Variants in GON4L observed in about 807,000 individuals in gnomAD.
GON4L encodes GON-4-like protein.
A neutral mutation model predicts 211.8 loss-of-function variants in GON4L; 87 were observed. The observed-to-expected ratio is 0.41, with a 90% CI of 0.35 to 0.49. The LOEUF (loss-of-function observed/expected upper bound fraction) is 0.49, where lower values mean the gene tolerates loss of function less well. Among genes scored for constraint, GON4L ranks in the 20% least tolerant of loss-of-function variants. The pLI is 0.15. For missense variants in GON4L, 2,155 were observed against 2,659.5 expected, an observed-to-expected ratio of 0.81 and a Z score of 4.17; for synonymous variants, 875 against 962.6, an observed-to-expected ratio of 0.91 and a Z score of 1.68.
intron 2 of GON4L, among the ~76,000 whole-genome samples, chr1:155,849,543 CAAAAAAAAAAAA>C (rs916595257): frequency 2.1e-5 from 1 of 47,002 alleles, no homozygotes; most frequent in Non-Finnish European, 4.3e-5. Context: ...GACTCTGTCT[CAAAAAAAAAAAA>C]AAAAAAAAGG....
intron 6 of GON4L, among the ~76,000 whole-genome samples, chr1:155,820,001 G>A (rs771534170): frequency 6.6e-6 from 1 of 151,976 alleles, no homozygotes; most frequent in Admixed American, 6.6e-5. Flanking sequence ...TGCAACCTCC[G>A]CCCCCGGGTT....
rs746863011 is a variant in GON4L at position 155,765,199 on chromosome 1, C to T, written c.4274G>A (p.Ser1425Asn). 2 of 1,614,228 alleles carry T rather than the reference C, an allele frequency of 1.2e-6. No homozygotes were observed. The highest frequency in any genetic ancestry group is 1.1e-5 in the South Asian group (1 of 91,086). Reference protein sequence around the residue: ...LSSMDPEVRLSSPPGKPEDSS... With the variant: ...LSSMDPEVRLNSPPGKPEDSS... ...ATCTTCTGGCTTCCCTGGGGGGCTA[C>T]TAAGCCTCACTTCAGGATCCATTGA... Residue 1425 changes from serine (S) to asparagine (N), a missense_variant, in exon 21 of 32, where the codon AGT becomes AAT. Ser to Asn is a conservative substitution (Grantham distance 46). Coordinates refer to ENST00000368331, the MANE Select transcript of GON4L (RefSeq NM_001282860.2).
chr1:155,749,438 G>C, downstream of GON4L: 1 of 1,580,540 alleles, frequency 6.3e-7, no homozygotes, highest in Non-Finnish European at 8.6e-7. Flanking sequence ...TGAGGTCAGT[G>C]TAACGGTTGC....
chr1:155,844,989 G>C (rs1345932441), intron 2 of GON4L, among the ~76,000 whole-genome samples: 1 of 152,206 alleles, frequency 6.6e-6, no homozygotes, highest in Admixed American at 6.5e-5. Context: ...GGCATCAAGA[G>C]ATTTTTACTC....
chr1:155,858,145 C>T (rs1366393326), upstream of GON4L, among the ~76,000 whole-genome samples: 1 of 152,100 alleles, frequency 6.6e-6, no homozygotes, highest in Non-Finnish European at 1.5e-5. Flanking sequence ...TGGGGTGTAA[C>T]AGATGTTCAA....
intron 2 of GON4L, chr1:155,832,859 A>G (rs1669928203): frequency 6.7e-6 from 1 of 149,436 alleles, no homozygotes; most frequent in African/African-American, 2.5e-5. Context: ...GGTGATTTTT[A>G]TTTTCTCCTT....
At position 155,765,732 on chromosome 1, in the gene GON4L, G is replaced by C. The variant is rs1385686035; in HGVS notation, c.3741C>G (p.Pro1247=). Reference sequence around the variant, plus strand: ...GAGATAGTTCCTGGGGCTCTAATTTGGGTTCTAGGCCCTGAAAGGCATTTT... The same window carrying C: ...GAGATAGTTCCTGGGGCTCTAATTTCGGTTCTAGGCCCTGAAAGGCATTTT... The part of the protein sequence containing the change: ...DGENAFQGLE[P]KLEPQELSPL... The change falls in exon 21 of 32, where the codon CCC becomes CCG. Residue 1247 remains proline, a synonymous_variant. Transcript: ENST00000368331. 6.2e-7 allele frequency: 1 copy of C among 1,614,160 alleles called. No homozygotes were observed.
At chr1:155,745,844 C>T (rs530670366), downstream of GON4L, 75 of 720,756 alleles carry the variant, frequency 1.0e-4, no homozygotes, top group East Asian at 1.8e-3. Context: ...GGGCGGGGCC[C>T]GGGAGGTGCT....
At chr1:155,836,339 C>T (rs1370165871) in intron 2 of GON4L, among the ~76,000 whole-genome samples, 2 of 151,644 alleles carry the variant, frequency 1.3e-5, no homozygotes, top group African/African-American at 4.8e-5. Context: ...AACCTCGCCT[C>T]CCGGGTTCAA....
At chr1:155,816,872 CAG>C (rs1174107647) in intron 6 of GON4L, among the ~76,000 whole-genome samples, 2 of 147,458 alleles carry the variant, frequency 1.4e-5, no homozygotes, top group African/African-American at 5.0e-5. Flanking sequence ...AAAAACAACA[CAG>C]AGAGATATAA....
At chr1:155,788,238 C>T (rs1223967603) in intron 12 of GON4L, among the ~76,000 whole-genome samples, 1 of 150,982 alleles carries the variant, frequency 6.6e-6, no homozygotes, top group African/African-American at 2.4e-5. Flanking sequence ...AGTGATCTGC[C>T]TGCCTCAGTA....
chr1:155,805,538 C>G (rs1667049080), intron 10 of GON4L, among the ~76,000 whole-genome samples: 1 of 152,088 alleles, frequency 6.6e-6, no homozygotes, highest in Non-Finnish European at 1.5e-5. Flanking sequence ...CTCCTCCCAG[C>G]CCCTGTTAAG....
chr1:155,762,990 C>T (rs534087147), intron 22 of GON4L, among the ~76,000 whole-genome samples: 8 of 151,420 alleles, frequency 5.3e-5, no homozygotes, highest in African/African-American at 1.9e-4. Flanking sequence ...GAGCCAAGAT[C>T]GCACCACTGC....
rs749306431 is a variant in GON4L at position 155,765,917 on chromosome 1, T to G, written c.3556A>C (p.Asn1186His). The G allele has an allele frequency of 3.7e-6, 6 of 1,614,130 alleles. No individual in the cohort carries two copies. The South Asian group carries it at 6.6e-5, about 18-fold the overall frequency. The change falls in exon 21 of 32, where the codon AAC becomes CAC. Residue 1186 changes from asparagine (N) to histidine (H), a missense_variant. This residue lies in a region of GON4L where 615 missense variants were observed against 625.7 expected (regional missense o/e 0.98). Coordinates refer to ENST00000368331, the MANE Select transcript of GON4L (RefSeq NM_001282860.2). ...AATGGACAGGGGAAGGAAGTAGGGT[T>G]AACCAAGAGGGTAGTGATGGGAATA... ...QTIPITTLLVNPTSFPCPLNQ... is the reference protein window; with the variant it reads ...QTIPITTLLVHPTSFPCPLNQ...
chr1:155,802,684 G>A (rs1233681883), intron 11 of GON4L, among the ~76,000 whole-genome samples: 2 of 152,172 alleles, frequency 1.3e-5, no homozygotes, highest in South Asian at 2.1e-4. Context: ...GGCTGAGCGC[G>A]ATGGCTCACT....
At chr1:155,844,594 A>C (rs986415707) in intron 2 of GON4L, among the ~76,000 whole-genome samples, 1 of 152,076 alleles carries the variant, frequency 6.6e-6, no homozygotes, top group Non-Finnish European at 1.5e-5. Flanking sequence ...TGTCTCTATA[A>C]AAACATTTAA....
chr1:155,826,917 G>A lies in GON4L; in HGVS notation c.617C>T (p.Ser206Phe), dbSNP rs1274443580. Residue 206 changes from serine (S) to phenylalanine (F), a missense_variant, in exon 3 of 32, where the codon TCT becomes TTT. By Grantham distance (155) the Ser-to-Phe change is radical. Transcript: ENST00000368331. ...AGTCCTGAGTGGCTTTTCTTGAGGAGAGGCACAAACATCTGGCTGGGTTGA... is the reference window on the plus strand; with the variant it reads ...AGTCCTGAGTGGCTTTTCTTGAGGAAAGGCACAAACATCTGGCTGGGTTGA... Reference protein sequence around the residue: ...RKSTQPDVCASPQEKPLRTLF... With the variant: ...RKSTQPDVCAFPQEKPLRTLF... 5.0e-6 allele frequency: 8 copies of A among 1,613,660 alleles called. No individual in the cohort carries two copies. In the East Asian group the frequency reaches 1.8e-4, roughly 36 times the overall value.
At chr1:155,748,042 C>G (rs572393570), downstream of GON4L, 440 of 1,607,624 alleles carry the variant, frequency 2.7e-4, 1 homozygote, top group African/African-American at 5.1e-3. Flanking sequence ...TGACTGCTCA[C>G]AGCTCTCGTC....
At chr1:155,770,993 T>A in intron 19 of GON4L, 74 bp downstream of exon 19, 1 of 1,602,514 alleles carries the variant, frequency 6.2e-7, no homozygotes, top group Non-Finnish European at 8.5e-7. Flanking sequence ...TCCTCTTTTC[T>A]TTGAGAATAA....
Sources: allele counts gnomAD v4.1 joint callset (sites outside exome capture counted in the v4.1 genomes callset), GRCh38; gene constraint gnomAD v4.1.1; regional missense constraint gnomAD v4.1.1; transcripts MANE v1.5; gene names NCBI Gene and HGNC (gene_info 2026-07-23, HGNC 2026-07-21).